The following RBFOX1 variants were observed in gnomAD, a reference collection of about 807,000 sequenced individuals.
The protein encoded by RBFOX1 is RNA binding fox-1 homolog 1, also known as RNA binding protein fox-1 homolog 1.
Under a neutral mutation model 57.7 loss-of-function variants are expected in RBFOX1, and 8 were observed. That is an observed-to-expected ratio of 0.14 (90% CI 0.08 to 0.25). The LOEUF is 0.25. Among genes scored for constraint, RBFOX1 ranks in the 10% least tolerant of loss-of-function variants. The probability of loss-of-function intolerance (pLI) is 1.00; values close to 1 mark genes in which losing one functional copy is unlikely to be tolerated. For synonymous variants in RBFOX1, 326 were observed against 222.4 expected (o/e 1.47, Z -4.15); for missense variants, 611 against 548.5 (o/e 1.11, Z -1.14).
chr16:7,124,095 T>C (rs1043208355), intron 4 of RBFOX1, among the ~76,000 whole-genome samples: 2 of 152,202 alleles, frequency 1.3e-5, no homozygotes, highest in African/African-American at 4.8e-5. Flanking sequence ...GCCCAGTGTT[T>C]TATACTTTTA....
intron 4 of RBFOX1, among the ~76,000 whole-genome samples, chr16:5,989,470 T>C (rs920137878): frequency 1.3e-5 from 2 of 151,986 alleles, no homozygotes; most frequent in Admixed American, 6.6e-5. Context: ...TCACAGGAAA[T>C]GGAGGCAATT....
intron 4 of RBFOX1, among the ~76,000 whole-genome samples, chr16:7,223,032 T>C (rs888870087): frequency 2.6e-5 from 4 of 152,182 alleles, no homozygotes; most frequent in African/African-American, 9.7e-5. Flanking sequence ...GGCCACCTGT[T>C]ATATAATTAA....
intron 4 of RBFOX1, among the ~76,000 whole-genome samples, chr16:7,386,670 C>T (rs965465161): frequency 2.5e-4 from 38 of 152,006 alleles, no homozygotes; most frequent in South Asian, 8.3e-4. Context: ...TTATTGTGAA[C>T]AGTGCCACAG....
chr16:6,379,211 G>A (rs912143516), intron 2 of RBFOX1, among the ~76,000 whole-genome samples: 1 of 152,136 alleles, frequency 6.6e-6, no homozygotes, highest in Non-Finnish European at 1.5e-5. Context: ...ACCCAGCTGA[G>A]ATTTGCAGGT....
chr16:5,771,054 G>C (rs1429720588), intron 3 of RBFOX1, among the ~76,000 whole-genome samples: 1 of 152,184 alleles, frequency 6.6e-6, no homozygotes, highest in Admixed American at 6.5e-5. Flanking sequence ...CAAAACCTGA[G>C]GCTGCCTCCC....
At chr16:7,261,754 G>A (rs577207694) in intron 4 of RBFOX1, among the ~76,000 whole-genome samples, 1 of 152,282 alleles carries the variant, frequency 6.6e-6, no homozygotes, top group East Asian at 1.9e-4. Context: ...GGATGGTGAG[G>A]ACAACAAAGT....
chr16:5,510,918 C>T (rs1176886171), intron 2 of RBFOX1, among the ~76,000 whole-genome samples: 1 of 152,208 alleles, frequency 6.6e-6, no homozygotes. Context: ...AGAACTACTG[C>T]TGTAAAGGGT....
intron 7 of RBFOX1, among the ~76,000 whole-genome samples, chr16:7,593,079 T>C (rs9926898): frequency 0.75 from 113,660 of 151,568 alleles, 44,260 homozygotes; most frequent in Non-Finnish European, 0.86. Flanking sequence ...CCTCCCAAAC[T>C]GCTTGCATTA....
intron 1 of RBFOX1, among the ~76,000 whole-genome samples, chr16:5,459,566 T>C (rs542768473): frequency 2.0e-5 from 3 of 152,172 alleles, no homozygotes; most frequent in African/African-American, 7.2e-5. Flanking sequence ...ACTTGTCTCA[T>C]GTCTGTGCAA....
chr16:5,609,139 G>T (rs2047688153), intron 3 of RBFOX1, among the ~76,000 whole-genome samples: 1 of 152,138 alleles, frequency 6.6e-6, no homozygotes, highest in Admixed American at 6.5e-5. Flanking sequence ...TGGAGGGAGG[G>T]GAGAGGGCTC....
At chr16:6,846,300 C>T (rs1383141406) in intron 3 of RBFOX1, among the ~76,000 whole-genome samples, 1 of 152,120 alleles carries the variant, frequency 6.6e-6, no homozygotes, top group African/African-American at 2.4e-5. Context: ...CATCAAGAAA[C>T]ATGGACACAT....
At chr16:7,207,838 A>G (rs2090310880) in intron 4 of RBFOX1, among the ~76,000 whole-genome samples, 2 of 152,154 alleles carry the variant, frequency 1.3e-5, no homozygotes, top group South Asian at 2.1e-4. Context: ...TCACCAGAGA[A>G]TATCTTACCT....
chr16:5,784,464 G>A (rs982579236), intron 3 of RBFOX1, among the ~76,000 whole-genome samples: 3 of 151,988 alleles, frequency 2.0e-5, no homozygotes, highest in Non-Finnish European at 4.4e-5. Flanking sequence ...CATCTTACAT[G>A]GCCAGAGCAG....
At chr16:6,808,343 C>G (rs768102568) in intron 3 of RBFOX1, among the ~76,000 whole-genome samples, 1 of 152,000 alleles carries the variant, frequency 6.6e-6, no homozygotes, top group Non-Finnish European at 1.5e-5. Context: ...ATTATGCCTA[C>G]TTCACTGAAG....
chr16:6,838,454 C>G (rs1471511721), intron 3 of RBFOX1, among the ~76,000 whole-genome samples: 1 of 152,150 alleles, frequency 6.6e-6, no homozygotes, highest in Non-Finnish European at 1.5e-5. Context: ...TTGACTAGCC[C>G]TTTTCTAGAA....
chr16:6,848,189 G>A (rs1207741888), intron 3 of RBFOX1, among the ~76,000 whole-genome samples: 2 of 151,866 alleles, frequency 1.3e-5, no homozygotes, highest in Admixed American at 6.6e-5. Flanking sequence ...CCTCCTTGTG[G>A]GGTGATACAG....
intron 3 of RBFOX1, among the ~76,000 whole-genome samples, chr16:6,944,749 C>T (rs887639138): frequency 2.6e-5 from 4 of 152,192 alleles, no homozygotes; most frequent in Non-Finnish European, 4.4e-5. Flanking sequence ...GGATAAAGTC[C>T]TGTTGCCATA....
At chr16:6,738,054 T>C (rs2070902962) in intron 3 of RBFOX1, among the ~76,000 whole-genome samples, 1 of 148,024 alleles carries the variant, frequency 6.8e-6, no homozygotes, top group African/African-American at 2.5e-5. Flanking sequence ...AAAGGACTTG[T>C]CTCTTTTTTT....
At chr16:5,880,029 A>G (rs2057724308) in intron 4 of RBFOX1, among the ~76,000 whole-genome samples, 1 of 152,220 alleles carries the variant, frequency 6.6e-6, no homozygotes, top group Non-Finnish European at 1.5e-5. Context: ...AATGCCTGCC[A>G]TGGTGTGCCA....
Sources: gnomAD v4.1 joint callset for allele counts (sites outside exome capture counted in the v4.1 genomes callset) on GRCh38, gnomAD v4.1.1 for gene constraint, MANE v1.5 for transcripts, NCBI Gene and HGNC (gene_info 2026-07-23, HGNC 2026-07-21) for gene names.